The following PCDHGA4 variants were observed in gnomAD, a reference collection of about 807,000 sequenced individuals.
PCDHGA4 encodes the protein protocadherin gamma subfamily A, 4.
Under a neutral mutation model 54.6 loss-of-function variants are expected in PCDHGA4, and 38 were observed. That is an observed-to-expected ratio of 0.70 (90% confidence interval 0.54 to 0.91). PCDHGA4 has a LOEUF of 0.91. Among genes scored for constraint, PCDHGA4 ranks in the 40% least tolerant of loss-of-function variants. PCDHGA4 has a pLI of 0.00. For missense variants in PCDHGA4, 1,298 were observed against 1,220.9 expected (o/e 1.06, Z -0.94); for synonymous variants, 511 against 512.9 (o/e 1.00, Z 0.05).
intron 1 of PCDHGA4, 48 bp from the exon 2 acceptor site, chr5:141,494,759 C>CT: frequency 6.2e-7 from 1 of 1,613,886 alleles, no homozygotes; most frequent in Non-Finnish European, 8.5e-7. Flanking sequence ...GGGTGACATT[C>CT]TAACTTCTCA....
chr5:141,439,131 T>A (rs2098090046), intron 1 of PCDHGA4, among the ~76,000 whole-genome samples: 1 of 150,502 alleles, frequency 6.6e-6, no homozygotes, highest in Non-Finnish European at 1.5e-5. Flanking sequence ...AGACAGAGGT[T>A]GCAGTGAGCT....
At position 141,431,808 on chromosome 5, in the gene PCDHGA4, C is replaced by A. The variant is rs2097419249; in HGVS notation, c.2515-62999C>A. Reference sequence around the variant, plus strand: ...GACAATGCCCCAGAAGTGGTCCTCACCTCTCTCGCCAGCTCGGTTCCCGAA... The same window carrying A: ...GACAATGCCCCAGAAGTGGTCCTCAACTCTCTCGCCAGCTCGGTTCCCGAA... On this transcript the variant is annotated intron_variant, in intron 1 of 3. Transcript: ENST00000571252. The surrounding 1 kb of genome is among the most constrained non-coding windows in gnomAD (Gnocchi z 4.8). The A allele has an allele frequency of 6.2e-7, 1 of 1,614,236 alleles. No individual in the cohort carries two copies. Among genetic ancestry groups the A allele is most frequent in the Non-Finnish European group, 8.5e-7 (1 of 1,180,040 alleles).
intron 1 of PCDHGA4, chr5:141,365,468 G>A: frequency 6.2e-7 from 1 of 1,613,972 alleles, no homozygotes; most frequent in Non-Finnish European, 8.5e-7. Flanking sequence ...TGGAGAAAAT[G>A]GTGAGATTGC....
intron 1 of PCDHGA4, chr5:141,376,511 A>T (rs1772759246): frequency 6.2e-7 from 1 of 1,613,966 alleles, no homozygotes; most frequent in Non-Finnish European, 8.5e-7. Flanking sequence ...ACTTCAGGTG[A>T]GTTTCTTTCC....
Position 141,383,203 on chromosome 5 carries a change from T to A in PCDHGA4, c.2514+25582T>A, listed in dbSNP as rs755782697. The A allele has an allele frequency of 2.5e-6, 4 of 1,613,936 alleles. No homozygotes were observed. The highest frequency in any genetic ancestry group is 3.3e-5 in the Admixed American group (2 of 60,008). On this transcript the variant is annotated intron_variant, in intron 1 of 3. Coordinates refer to ENST00000571252, the MANE Select transcript of PCDHGA4 (RefSeq NM_018917.4). ...AGAGATCTGCGCTCAGAGTGCGCGGTGTCTGGTAAACTTTAACATCCTGAT... is the reference window on the plus strand; with the variant it reads ...AGAGATCTGCGCTCAGAGTGCGCGGAGTCTGGTAAACTTTAACATCCTGAT...
chr5:141,395,213 T>C, intron 1 of PCDHGA4: 1 of 1,613,280 alleles, frequency 6.2e-7, no homozygotes, highest in Non-Finnish European at 8.5e-7. Flanking sequence ...TTCATGAATA[T>C]AAGAATGAAG....
chr5:141,453,848 C>T (rs1045684685), intron 1 of PCDHGA4, among the ~76,000 whole-genome samples: 38 of 152,290 alleles, frequency 2.5e-4, no homozygotes, highest in Non-Finnish European at 4.4e-4. Context: ...GTCCACAGAG[C>T]ACTTTGAAAA....
At chr5:141,457,175 A>C (rs1447297536) in intron 1 of PCDHGA4, among the ~76,000 whole-genome samples, 2 of 152,192 alleles carry the variant, frequency 1.3e-5, no homozygotes, top group Non-Finnish European at 2.9e-5. Flanking sequence ...ACCCTATTGC[A>C]AATAGTAGAG....
At chr5:141,510,450 T>G (rs1273211856) in intron 3 of PCDHGA4, among the ~76,000 whole-genome samples, 1 of 151,946 alleles carries the variant, frequency 6.6e-6, no homozygotes, top group Non-Finnish European at 1.5e-5. Flanking sequence ...CAGGAGCCCA[T>G]GGTCTAGTGT....
intron 2 of PCDHGA4, among the ~76,000 whole-genome samples, chr5:141,505,050 T>C (rs1190927211): frequency 2.0e-5 from 3 of 152,130 alleles, no homozygotes; most frequent in Non-Finnish European, 4.4e-5. Context: ...TCATCCCAGC[T>C]ACTTGGGAGA....
intron 1 of PCDHGA4, chr5:141,390,018 C>A: frequency 2.5e-6 from 4 of 1,614,062 alleles, no homozygotes; most frequent in Non-Finnish European, 3.4e-6. Context: ...CATTGCCTTG[C>A]GCCTGCGACG....
chr5:141,441,810 C>A, intron 1 of PCDHGA4: 1 of 372,576 alleles, frequency 2.7e-6, no homozygotes. Context: ...GGTGCTGTAC[C>A]CCAGCTCTGG....
At chr5:141,377,343 C>G (rs1218188915) in intron 1 of PCDHGA4, 1 of 152,110 alleles carries the variant, frequency 6.6e-6, no homozygotes. Context: ...TGGTGGTTCA[C>G]GCCTGTAATC....
intron 1 of PCDHGA4, chr5:141,415,300 C>T (rs763286826): frequency 3.1e-6 from 5 of 1,614,222 alleles, no homozygotes; most frequent in East Asian, 4.5e-5. Context: ...CTGCGTCTTC[C>T]TGGCCTTCGT....
At chr5:141,394,855 C>A in intron 1 of PCDHGA4, 1 of 1,613,778 alleles carries the variant, frequency 6.2e-7, no homozygotes, top group Non-Finnish European at 8.5e-7. Flanking sequence ...CTGAAGCCTT[C>A]GGTCGACCCG....
At chr5:141,478,795 C>T (rs919747545) in intron 1 of PCDHGA4, 7 of 1,468,056 alleles carry the variant, frequency 4.8e-6, no homozygotes, top group Non-Finnish European at 6.3e-6. Flanking sequence ...ACATCCTCAG[C>T]ACTCTTTTGC....
At chr5:141,410,527 C>T (rs1398639610) in intron 1 of PCDHGA4, 1 of 1,613,920 alleles carries the variant, frequency 6.2e-7, no homozygotes, top group East Asian at 2.2e-5. Context: ...CCCTACATTC[C>T]AATGAAGACA....
Position 141,355,130 on chromosome 5 carries a change from A to C in PCDHGA4, c.23A>C (p.Glu8Ala), listed in dbSNP as rs573009083. The C allele has an allele frequency of 6.6e-7, 1 of 1,518,662 alleles. No homozygotes were observed. The highest frequency in any genetic ancestry group is 1.3e-5 in the South Asian group (1 of 75,222). The allele number at this position is 1,518,662 out of a possible 1,614,324, so 94.1% of individuals were successfully genotyped here. The change falls in exon 1 of 4, where the codon GAA becomes GCA. Residue 8 changes from glutamate (E) to alanine (A), a missense_variant. Transcript: ENST00000571252. ...TGAATGCACTTTATTTTGGACCCAG[A>C]AGATCCTGGGGCTCCTCAGGCCTCG... is the stretch of plus-strand genomic sequence containing the variant. MHFILDPEDPGAPQASTE... is the reference protein window; with the variant it reads MHFILDPADPGAPQASTE...
At chr5:141,378,926 T>C (rs1342547905) in intron 1 of PCDHGA4, 1 of 152,216 alleles carries the variant, frequency 6.6e-6, no homozygotes, top group Non-Finnish European at 1.5e-5. Flanking sequence ...AAAAGTAAGT[T>C]GATGGCCCTG....
Sources: allele counts gnomAD v4.1 joint callset (sites outside exome capture counted in the v4.1 genomes callset), GRCh38; gene constraint gnomAD v4.1.1; non-coding constraint Gnocchi (gnomAD v3.1); transcripts MANE v1.5; gene names NCBI Gene and HGNC (gene_info 2026-07-23, HGNC 2026-07-21).